Variants in DTNA observed in about 807,000 individuals in gnomAD.
The protein encoded by DTNA is dystrobrevin alpha, also known as dystrophin-related protein 3.
A neutral mutation model predicts 100.7 loss-of-function variants in DTNA; 43 were observed. That is an observed-to-expected ratio of 0.43 (90% confidence interval 0.33 to 0.55). The LOEUF (loss-of-function observed/expected upper bound fraction) is 0.55, where lower values mean the gene tolerates loss of function less well. DTNA is among the 20% of genes least tolerant of loss of function. The pLI, the probability that DTNA is intolerant of heterozygous loss-of-function variation, is 0.04. For missense variants in DTNA, 798 were observed against 953.9 expected, an observed-to-expected ratio of 0.84 and a Z score of 2.15; for synonymous variants, 349 against 347.9, an observed-to-expected ratio of 1.00 and a Z score of -0.04.
At chr18:34,588,207 G>C (rs1345396060) in intron 1 of DTNA, among the ~76,000 whole-genome samples, 1 of 152,016 alleles carries the variant, frequency 6.6e-6, no homozygotes, top group African/African-American at 2.4e-5. Flanking sequence ...CCACAAACTT[G>C]GTACTACCAT....
At chr18:34,657,252 T>C (rs2074522053) in intron 1 of DTNA, among the ~76,000 whole-genome samples, 2 of 152,192 alleles carry the variant, frequency 1.3e-5, no homozygotes, top group South Asian at 4.1e-4. Context: ...TAATGTAAGG[T>C]TGTCATTCTA....
chr18:34,741,297 G>A (rs764486079), intron 1 of DTNA, among the ~76,000 whole-genome samples: 1 of 151,714 alleles, frequency 6.6e-6, no homozygotes, highest in Non-Finnish European at 1.5e-5. Flanking sequence ...AATAAGCAGG[G>A]TATCCTCCCA....
intron 1 of DTNA, among the ~76,000 whole-genome samples, chr18:34,730,414 C>G (rs938992921): frequency 5.9e-5 from 9 of 152,194 alleles, no homozygotes; most frequent in Non-Finnish European, 1.3e-4. Context: ...GAATGGCCAG[C>G]CTGTTCTCTG....
chr18:34,619,239 A>T (rs1333112203), intron 1 of DTNA, among the ~76,000 whole-genome samples: 1 of 152,180 alleles, frequency 6.6e-6, no homozygotes, highest in East Asian at 1.9e-4. Flanking sequence ...GGGAAGCATC[A>T]TAAAAGGTCT....
intron 3 of DTNA, among the ~76,000 whole-genome samples, chr18:34,774,575 C>T (rs1458535872): frequency 6.6e-6 from 1 of 152,198 alleles, no homozygotes; most frequent in Non-Finnish European, 1.5e-5. Flanking sequence ...AAGCATTATT[C>T]TAGATCATGG....
chr18:34,529,647 T>C (rs1021863476), intron 1 of DTNA, among the ~76,000 whole-genome samples: 2 of 152,136 alleles, frequency 1.3e-5, no homozygotes, highest in African/African-American at 4.8e-5. Context: ...AAAGTGGTTA[T>C]TGTGGATTGT....
intron 1 of DTNA, among the ~76,000 whole-genome samples, chr18:34,740,821 A>AG (rs911892947): frequency 2.0e-5 from 3 of 151,778 alleles, no homozygotes; most frequent in Non-Finnish European, 4.4e-5. Context: ...AAAAAAGAAA[A>AG]GAAAGTGTCC....
At position 34,747,534 on chromosome 18, in the gene DTNA, G is replaced by A. The variant is rs115893925; in HGVS notation, c.-1-8442G>A. 7.4e-3 allele frequency among the ~76,000 whole-genome samples: 1,128 copies of A among 151,988 alleles called. 7 individuals are homozygous for A. Among genetic ancestry groups the A allele is most frequent in the Non-Finnish European group, 0.012 (838 of 67,968 alleles). ...CTGAGTCCCCAAAGTCCATTATGTC[G>A]TTCTTATGCCTTTGCATCCTCATAG... On this transcript the variant is annotated intron_variant, in intron 1 of 22. Transcript: ENST00000444659.
chr18:34,860,921 T>A lies in DTNA; in HGVS notation c.1646+2523T>A, dbSNP rs780677558. 9.8e-5 allele frequency among the ~76,000 whole-genome samples: 15 copies of A among 152,302 alleles called. No homozygotes were observed. The South Asian group carries it at 1.7e-3, about 17-fold the overall frequency. On this transcript the variant is annotated intron_variant, in intron 16 of 22. Transcript: ENST00000444659. ...CGTTTAATGGATAAGGAAACTGAGA[T>A]TCACAGAAGTCACACAGAAGTTGCA...
Position 34,818,740 on chromosome 18 carries a change from G to T in DTNA, c.876+410G>T, listed in dbSNP as rs761794081. 74 of 720,460 alleles carry T rather than the reference G, an allele frequency of 1.0e-4. 1 individual carries two copies. The highest frequency in any genetic ancestry group is 1.3e-4 in the Non-Finnish European group (73 of 551,428). The allele number at this position is 720,460 out of a possible 1,614,324, so 44.6% of individuals were successfully genotyped here. On this transcript the variant is annotated intron_variant, in intron 8 of 22. Coordinates refer to ENST00000444659, the MANE Select transcript of DTNA (RefSeq NM_001386795.1). The stretch of plus-strand genomic sequence containing the variant: ...TTCTTAGATTCTGGAGTTCTTTTAA[G>T]TGCGTGACTAGAATATTAAAGAAAC...
chr18:34,508,620 T>C (rs2144819071), intron 1 of DTNA, among the ~76,000 whole-genome samples: 1 of 152,296 alleles, frequency 6.6e-6, no homozygotes, highest in South Asian at 2.1e-4. Flanking sequence ...ATTTGAGAAG[T>C]AGTCTGTGGC....
At chr18:34,868,924 G>GCTC in intron 17 of DTNA, 1 of 296,552 alleles carries the variant, frequency 3.4e-6, no homozygotes, top group Non-Finnish European at 5.0e-6. Flanking sequence ...GGGTATAATT[G>GCTC]CAGTACCAAT....
At chr18:34,716,509 G>A (rs1450139077) in intron 1 of DTNA, among the ~76,000 whole-genome samples, 1 of 150,762 alleles carries the variant, frequency 6.6e-6, no homozygotes, top group Non-Finnish European at 1.5e-5. Context: ...GTTGCAGTGA[G>A]CCGAGATCAC....
At chr18:34,700,058 G>A (rs1449693117) in intron 1 of DTNA, among the ~76,000 whole-genome samples, 1 of 152,122 alleles carries the variant, frequency 6.6e-6, no homozygotes, top group Non-Finnish European at 1.5e-5. Context: ...AGACCTCCAA[G>A]CATAAACAAT....
At chr18:34,538,789 A>G (rs1035745086) in intron 1 of DTNA, among the ~76,000 whole-genome samples, 1 of 152,008 alleles carries the variant, frequency 6.6e-6, no homozygotes, top group Non-Finnish European at 1.5e-5. Flanking sequence ...ACATAAATCA[A>G]TTTAAGCATC....
intron 1 of DTNA, among the ~76,000 whole-genome samples, chr18:34,697,564 C>G (rs58973331): frequency 6.6e-6 from 1 of 151,992 alleles, no homozygotes; most frequent in Non-Finnish European, 1.5e-5. Context: ...AAAAAAGGTT[C>G]CTGAAAAGGG....
chr18:34,776,739 C>G (rs2094073373), intron 3 of DTNA, among the ~76,000 whole-genome samples: 1 of 152,208 alleles, frequency 6.6e-6, no homozygotes, highest in African/African-American at 2.4e-5. Flanking sequence ...CCTGCAGTGG[C>G]TCCCCACTTC....
intron 1 of DTNA, among the ~76,000 whole-genome samples, chr18:34,730,485 T>C (rs1381225544): frequency 6.6e-6 from 1 of 152,156 alleles, no homozygotes; most frequent in Non-Finnish European, 1.5e-5. Context: ...TGTGGCCCCT[T>C]GTTCAGTCTT....
chr18:34,778,177 A>G (rs1392639748), intron 3 of DTNA, among the ~76,000 whole-genome samples: 4 of 152,192 alleles, frequency 2.6e-5, no homozygotes, highest in Non-Finnish European at 4.4e-5. Context: ...TAAGAGCATC[A>G]TTCTAAAGCT....
Sources: allele counts gnomAD v4.1 joint callset (sites outside exome capture counted in the v4.1 genomes callset), GRCh38; gene constraint gnomAD v4.1.1; transcripts MANE v1.5; gene names NCBI Gene and HGNC (gene_info 2026-07-23, HGNC 2026-07-21).